Variants in AKAIN1 observed in about 807,000 individuals in gnomAD.
AKAIN1 encodes the protein A-kinase anchor inhibitor 1.
A neutral mutation model predicts 3.7 loss-of-function variants in AKAIN1; 3 were observed. The observed-to-expected ratio is 0.82, with a 90% CI of 0.37 to 2.12. The LOEUF (loss-of-function observed/expected upper bound fraction) is 2.12. Ranked by LOEUF, AKAIN1 falls within the 30% of genes most tolerant of loss-of-function variation. The pLI is 0.06. For synonymous variants in AKAIN1, 31 were observed against 30.8 expected (o/e 1.01, Z -0.02); for missense variants, 82 against 82.7 (o/e 0.99, Z 0.03).
At chr18:5,153,881 G>C (rs1293581399) in intron 1 of AKAIN1, among the ~76,000 whole-genome samples, 1 of 151,918 alleles carries the variant, frequency 6.6e-6, no homozygotes, top group Non-Finnish European at 1.5e-5. Context: ...TGTAGAAAGG[G>C]GGAGGCTGTG....
intron 1 of AKAIN1, among the ~76,000 whole-genome samples, chr18:5,176,120 A>C (rs955027332): frequency 4.6e-5 from 7 of 152,144 alleles, no homozygotes; most frequent in Admixed American, 2.0e-4. Flanking sequence ...TGCCCTAGAC[A>C]GTCTTTACCA....
intron 1 of AKAIN1, among the ~76,000 whole-genome samples, chr18:5,153,572 T>C (rs79809002): frequency 0.015 from 2,302 of 152,292 alleles, 29 homozygotes; most frequent in Non-Finnish European, 0.023. Flanking sequence ...CTTGGCCAAG[T>C]AGTTATTCAT....
chr18:5,146,263 T>G (rs1271612138), intron 1 of AKAIN1, among the ~76,000 whole-genome samples: 1 of 152,098 alleles, frequency 6.6e-6, no homozygotes, highest in Non-Finnish European at 1.5e-5. Context: ...AATGCAGACA[T>G]TAAACGCCTT....
chr18:5,165,591 C>A lies in AKAIN1; in HGVS notation c.17-19836G>T, dbSNP rs1053275557. Among the ~76,000 whole-genome samples, 12 of 151,968 alleles carry A rather than the reference C, an allele frequency of 7.9e-5. 1 individual carries two copies. The highest frequency in any genetic ancestry group is 2.7e-4 in the African/African-American group (11 of 41,422). The stretch of plus-strand genomic sequence containing the variant: ...CAACCTTCATGTCTGGTCCTAAAAT[C>A]AGATGATAGAGAGCTTGACTCAGAC... On this transcript the variant is annotated intron_variant, in intron 1 of 1. Coordinates refer to ENST00000434239, the MANE Select transcript of AKAIN1 (RefSeq NM_001145194.2).
intron 1 of AKAIN1, among the ~76,000 whole-genome samples, chr18:5,188,546 C>T (rs1427217414): frequency 3.9e-5 from 6 of 152,010 alleles, no homozygotes; most frequent in African/African-American, 1.4e-4. Flanking sequence ...CTTCTAAGCC[C>T]TTATGTAGGT....
At chr18:5,151,400 G>A (rs2071079411) in intron 1 of AKAIN1, among the ~76,000 whole-genome samples, 2 of 152,100 alleles carry the variant, frequency 1.3e-5, no homozygotes, top group South Asian at 4.1e-4. Context: ...AGCAAACCCA[G>A]GAGCCCTGCT....
Position 5,145,414 on chromosome 18 carries a change from C to T in AKAIN1, c.*148G>A. On this transcript the variant is annotated 3_prime_UTR_variant, in exon 2 of 2. Coordinates refer to ENST00000434239, the MANE Select transcript of AKAIN1 (RefSeq NM_001145194.2). ...TCTAATGCACTTTTTCAAAACAGTG[C>T]TTCTCAGCCAGGGGCTAGTGTGAAT... 1 of 620,846 alleles carries T rather than the reference C, an allele frequency of 1.6e-6. No homozygotes were observed. Among genetic ancestry groups the T allele is most frequent in the South Asian group, 2.4e-5 (1 of 40,818 alleles). The allele number at this position is 620,846 out of a possible 1,614,324, so 38.5% of individuals were successfully genotyped here. A position where few individuals can be genotyped will look rare whatever the true frequency, so the allele number is the denominator to read the frequency against.
chr18:5,188,363 G>A (rs908959175), intron 1 of AKAIN1, among the ~76,000 whole-genome samples: 12 of 151,968 alleles, frequency 7.9e-5, no homozygotes, highest in African/African-American at 2.4e-4. Context: ...CCACCCATGG[G>A]CAAGTTTCTT....
chr18:5,150,770 A>G (rs935262419), intron 1 of AKAIN1, among the ~76,000 whole-genome samples: 18 of 152,182 alleles, frequency 1.2e-4, no homozygotes, highest in African/African-American at 4.1e-4. Flanking sequence ...AAGGAACTCA[A>G]TTGCAATATG....
At chr18:5,176,933 T>G (rs1039241425) in intron 1 of AKAIN1, among the ~76,000 whole-genome samples, 2 of 152,096 alleles carry the variant, frequency 1.3e-5, no homozygotes, top group Non-Finnish European at 2.9e-5. Context: ...CTTCATGTAC[T>G]TCCAAGGGTA....
intron 1 of AKAIN1, among the ~76,000 whole-genome samples, chr18:5,165,253 T>C (rs543880717): frequency 6.6e-6 from 1 of 152,042 alleles, no homozygotes; most frequent in Non-Finnish European, 1.5e-5. Context: ...AGACTTTAAT[T>C]AGTAGCTAAT....
At chr18:5,152,388 G>A (rs1052269542) in intron 1 of AKAIN1, among the ~76,000 whole-genome samples, 3 of 152,142 alleles carry the variant, frequency 2.0e-5, no homozygotes, top group Non-Finnish European at 2.9e-5. Context: ...CCTGTCCCAT[G>A]ACTTCACCCT....
chr18:5,187,817 T>C (rs1325799492), intron 1 of AKAIN1, among the ~76,000 whole-genome samples: 1 of 152,176 alleles, frequency 6.6e-6, no homozygotes, highest in African/African-American at 2.4e-5. Flanking sequence ...AAGTTTTAAC[T>C]TATTCCAGCA....
intron 1 of AKAIN1, among the ~76,000 whole-genome samples, chr18:5,154,499 T>C (rs1272658287): frequency 6.6e-6 from 1 of 152,046 alleles, no homozygotes; most frequent in Non-Finnish European, 1.5e-5. Context: ...AGAGTTTCTT[T>C]TTTCTTGCAG....
intron 1 of AKAIN1, among the ~76,000 whole-genome samples, chr18:5,157,714 T>G (rs2071116188): frequency 6.6e-6 from 1 of 152,158 alleles, no homozygotes. Context: ...ATTATTAAAT[T>G]TTTTTCAAAG....
At chr18:5,187,688 T>A (rs1390016120) in intron 1 of AKAIN1, among the ~76,000 whole-genome samples, 1 of 152,126 alleles carries the variant, frequency 6.6e-6, no homozygotes, top group African/African-American at 2.4e-5. Context: ...ACAATGGCAG[T>A]TAAATTTAAA....
At chr18:5,149,692 C>T (rs1256704627) in intron 1 of AKAIN1, among the ~76,000 whole-genome samples, 1 of 152,142 alleles carries the variant, frequency 6.6e-6, no homozygotes, top group African/African-American at 2.4e-5. Context: ...TGAGGTCATT[C>T]CAGCTAAGTT....
At chr18:5,165,783 G>A (rs995896943) in intron 1 of AKAIN1, among the ~76,000 whole-genome samples, 1 of 152,054 alleles carries the variant, frequency 6.6e-6, no homozygotes, top group Non-Finnish European at 1.5e-5. Flanking sequence ...GTTGCTTGTT[G>A]AAAGTGAGCT....
Position 5,197,153 on chromosome 18 carries a change from G to A in AKAIN1, c.-100C>T, listed in dbSNP as rs1346393621. On this transcript the variant is annotated 5_prime_UTR_variant, in exon 1 of 2. Coordinates refer to ENST00000434239, the MANE Select transcript of AKAIN1 (RefSeq NM_001145194.2). This position sits in a 1 kb window ranked among gnomAD's most constrained non-coding sequence, Gnocchi z 6.9. ...TTGGCGGGGTCCGGTGCAGGAGGGCGCGCTGGGCGGGCGGCGGGCGGGGCG... is the reference window on the plus strand; with the variant it reads ...TTGGCGGGGTCCGGTGCAGGAGGGCACGCTGGGCGGGCGGCGGGCGGGGCG... The A allele has an allele frequency of 1.1e-5, 17 of 1,526,050 alleles. No individual in the cohort carries two copies. The highest frequency in any genetic ancestry group is 1.5e-5 in the Non-Finnish European group (17 of 1,139,768). 94.5% of individuals were successfully genotyped at this position (1,526,050 alleles called of 1,614,324 possible). A position where few individuals can be genotyped will look rare whatever the true frequency, so the allele number is the denominator to read the frequency against.
Sources: gnomAD v4.1 joint callset for allele counts (sites outside exome capture counted in the v4.1 genomes callset) on GRCh38, gnomAD v4.1.1 for gene constraint, Gnocchi (gnomAD v3.1) non-coding constraint, MANE v1.5 for transcripts, NCBI Gene and HGNC (gene_info 2026-07-23, HGNC 2026-07-21) for gene names.